CCSER1: variants seen among roughly 807,000 people sequenced by gnomAD.
The protein encoded by CCSER1 is serine-rich coiled-coil domain-containing protein 1.
In CCSER1, 41 loss-of-function variants were observed where a neutral mutation model predicts 82.0. The observed-to-expected ratio is 0.50, with a 90% CI of 0.39 to 0.65. The LOEUF is 0.65. CCSER1 is among the 30% of genes least tolerant of loss of function. The pLI is 0.00. For synonymous variants in CCSER1, 414 were observed against 383.9 expected, an observed-to-expected ratio of 1.08 and a Z score of -0.92; for missense variants, 1,119 against 1,064.2, an observed-to-expected ratio of 1.05 and a Z score of -0.72.
intron 10 of CCSER1, among the ~76,000 whole-genome samples, chr4:91,166,528 T>C (rs1732094438): frequency 6.6e-6 from 1 of 152,240 alleles, no homozygotes; most frequent in African/African-American, 2.4e-5. Flanking sequence ...ATCTACTTTT[T>C]AAAATGTTGT....
chr4:90,908,219 A>G (rs1160047639), intron 8 of CCSER1, among the ~76,000 whole-genome samples: 1 of 152,176 alleles, frequency 6.6e-6, no homozygotes, highest in Non-Finnish European at 1.5e-5. Flanking sequence ...GGAGATAAGA[A>G]TCTACTTTAA....
At chr4:90,376,951 G>A (rs1057031372) in intron 3 of CCSER1, among the ~76,000 whole-genome samples, 6 of 152,118 alleles carry the variant, frequency 3.9e-5, no homozygotes, top group African/African-American at 1.4e-4. Flanking sequence ...AGTCATCAAA[G>A]GTTTGCGTTT....
At chr4:91,440,544 A>G (rs1455751644) in intron 10 of CCSER1, among the ~76,000 whole-genome samples, 8 of 152,234 alleles carry the variant, frequency 5.3e-5, no homozygotes, top group African/African-American at 1.4e-4. Context: ...ACAGCCTAAC[A>G]TCACAATTAA....
chr4:91,092,965 G>T (rs1273677853), intron 10 of CCSER1, among the ~76,000 whole-genome samples: 1 of 152,130 alleles, frequency 6.6e-6, no homozygotes, highest in Non-Finnish European at 1.5e-5. Context: ...AATAATTGTA[G>T]AATTTCTTGT....
intron 5 of CCSER1, among the ~76,000 whole-genome samples, chr4:90,622,889 T>TA (rs1235862322): frequency 1.3e-5 from 2 of 152,128 alleles, no homozygotes; most frequent in African/African-American, 4.8e-5. Context: ...ACCAACAGTG[T>TA]AAAAGTGTCC....
At chr4:91,569,254 T>C (rs1319067963) in intron 10 of CCSER1, among the ~76,000 whole-genome samples, 1 of 152,164 alleles carries the variant, frequency 6.6e-6, no homozygotes, top group African/African-American at 2.4e-5. Context: ...CTCATTGCTC[T>C]GAAAGTGTGG....
At chr4:90,581,180 A>G (rs1458539022) in intron 5 of CCSER1, among the ~76,000 whole-genome samples, 1 of 152,130 alleles carries the variant, frequency 6.6e-6, no homozygotes, top group East Asian at 1.9e-4. Flanking sequence ...TAAATTATAG[A>G]TTGTAATATC....
In CCSER1 at chr4:91,010,891, AT is replaced by A. The variant is rs1738953086; in HGVS notation, c.2173-75057del. Among the ~76,000 whole-genome samples the A allele has an allele frequency of 1.5e-5, 2 of 134,322 alleles. 1 individual carries two copies. Among genetic ancestry groups the A allele is most frequent in the Admixed American group, 1.5e-4 (2 of 13,498 alleles). 88.1% of individuals were successfully genotyped at this position (134,322 alleles called of 152,430 possible). A position where few individuals can be genotyped will look rare whatever the true frequency, so the allele number is the denominator to read the frequency against. ...AGTTTCCTTAAGATCATGATTTTGAATTCCCTTTCTGGAAATTTGTAGATTT... is the reference window on the plus strand; with the variant it reads ...AGTTTCCTTAAGATCATGATTTTGAATCCCTTTCTGGAAATTTGTAGATTT... On this transcript the variant is annotated intron_variant, in intron 9 of 10. Coordinates refer to ENST00000509176, the MANE Select transcript of CCSER1 (RefSeq NM_001145065.2).
intron 8 of CCSER1, among the ~76,000 whole-genome samples, chr4:90,840,484 A>T (rs1408758840): frequency 1.3e-5 from 2 of 152,182 alleles, no homozygotes; most frequent in Middle Eastern, 6.3e-3. Context: ...GGAGTGTTTC[A>T]CATTTTTCTA....
intron 5 of CCSER1, among the ~76,000 whole-genome samples, chr4:90,564,788 C>T (rs1440771648): frequency 6.6e-6 from 1 of 151,870 alleles, no homozygotes; most frequent in Non-Finnish European, 1.5e-5. Context: ...CTGTTCTTTC[C>T]CTCTTGAGTA....
chr4:91,266,387 G>C (rs1007771895), intron 10 of CCSER1, among the ~76,000 whole-genome samples: 1 of 151,974 alleles, frequency 6.6e-6, no homozygotes, highest in Non-Finnish European at 1.5e-5. Flanking sequence ...GAGTAGCTGG[G>C]ACTACAGGTG....
chr4:91,022,517 A>G (rs1358379581), intron 9 of CCSER1, among the ~76,000 whole-genome samples: 2 of 152,162 alleles, frequency 1.3e-5, no homozygotes, highest in Non-Finnish European at 2.9e-5. Flanking sequence ...TCCTTTGGGT[A>G]TATACCCAGT....
chr4:90,781,567 G>C (rs1270319579), intron 7 of CCSER1: 4 of 977,808 alleles, frequency 4.1e-6, no homozygotes, highest in African/African-American at 1.8e-5. Context: ...ACATAAATGA[G>C]TTAAATTGTT....
chr4:91,236,612 G>T (rs991151050), intron 10 of CCSER1, among the ~76,000 whole-genome samples: 17 of 152,068 alleles, frequency 1.1e-4, no homozygotes, highest in African/African-American at 3.1e-4. Flanking sequence ...CCTAATAAAT[G>T]GTGGCTCCTT....
intron 5 of CCSER1, among the ~76,000 whole-genome samples, chr4:90,475,736 A>G (rs537329099): frequency 6.6e-6 from 1 of 152,298 alleles, no homozygotes; most frequent in African/African-American, 2.4e-5. Flanking sequence ...ACCCCCATAA[A>G]GAGGGGCAAA....
chr4:91,149,021 A>AATG (rs56932736), intron 10 of CCSER1, among the ~76,000 whole-genome samples: 110,045 of 151,666 alleles, frequency 0.73, 40,212 homozygotes, highest in Non-Finnish European at 0.78. Context: ...GGCTGGGTCA[A>AATG]ATATTTCTAG....
At chr4:90,293,461 T>A (rs1731296629) in intron 1 of CCSER1, among the ~76,000 whole-genome samples, 1 of 151,534 alleles carries the variant, frequency 6.6e-6, no homozygotes, top group South Asian at 2.1e-4. Context: ...GTGATATTTT[T>A]AATAATTAAA....
chr4:90,380,972 A>G (rs571583930), intron 3 of CCSER1, among the ~76,000 whole-genome samples: 7 of 152,252 alleles, frequency 4.6e-5, no homozygotes, highest in Non-Finnish European at 1.0e-4. Context: ...ATGCGGGAGC[A>G]CAAAGATGGG....
At chr4:90,462,003 G>A (rs1026950331) in intron 4 of CCSER1, among the ~76,000 whole-genome samples, 5 of 152,110 alleles carry the variant, frequency 3.3e-5, no homozygotes, top group African/African-American at 1.2e-4. Flanking sequence ...TGCTCAATGT[G>A]TGCTATTTAC....
Sources: gnomAD v4.1 joint callset for allele counts (sites outside exome capture counted in the v4.1 genomes callset) on GRCh38, gnomAD v4.1.1 for gene constraint, MANE v1.5 for transcripts, NCBI Gene and HGNC (gene_info 2026-07-23, HGNC 2026-07-21) for gene names.